Variants in KYNU observed in about 807,000 individuals in gnomAD.
KYNU encodes L-kynurenine hydrolase.
In KYNU, 54 loss-of-function variants were observed where a neutral mutation model predicts 59.2. That is an observed-to-expected ratio of 0.91 (90% confidence interval 0.73 to 1.14). KYNU has a LOEUF of 1.14. KYNU is among the 50% of genes most tolerant of loss of function. The probability of loss-of-function intolerance (pLI) is 0.00; values close to 1 mark genes in which losing one functional copy is unlikely to be tolerated. For missense variants in KYNU, 567 were observed against 554.4 expected (o/e 1.02, Z -0.23); for synonymous variants, 177 against 192.0 (o/e 0.92, Z 0.65).
chr2:143,010,911 T>G (rs1014872805), intron 10 of KYNU, among the ~76,000 whole-genome samples: 1 of 144,662 alleles, frequency 6.9e-6, no homozygotes, highest in Non-Finnish European at 1.5e-5. Flanking sequence ...AAAAATCAAT[T>G]CAAGATGGAT....
intron 10 of KYNU, among the ~76,000 whole-genome samples, chr2:143,005,040 G>T (rs1685828479): frequency 6.6e-6 from 1 of 152,192 alleles, no homozygotes; most frequent in Non-Finnish European, 1.5e-5. Context: ...TAAGCTAAGA[G>T]TGAGGCTTCC....
Position 143,042,136 on chromosome 2 carries a change from C to G in KYNU, c.1362C>G (p.Leu454=), listed in dbSNP as rs145326805. 3.7e-6 allele frequency: 6 copies of G among 1,610,158 alleles called. No individual in the cohort carries two copies. In the African/African-American group the frequency reaches 8.0e-5, roughly 22 times the overall value. Residue 454 remains leucine (L), a synonymous_variant, in exon 14 of 14, where the codon CTC becomes CTG. Transcript: ENST00000264170. The stretch of plus-strand genomic sequence containing the variant: ...ATGTTTATAAATTTACCAATCTGCT[C>G]ACTTCTATACTTGACTCTGCAGAAA... ...FHDVYKFTNL[L]TSILDSAETK...
chr2:142,961,593 A>G (rs1371704560), intron 8 of KYNU, among the ~76,000 whole-genome samples: 3 of 152,198 alleles, frequency 2.0e-5, no homozygotes, highest in Non-Finnish European at 4.4e-5. Context: ...AAGTTACTTT[A>G]AGGAGGCCAT....
intron 10 of KYNU, among the ~76,000 whole-genome samples, chr2:143,006,105 C>T (rs950149162): frequency 6.6e-5 from 10 of 152,218 alleles, no homozygotes; most frequent in East Asian, 3.9e-4. Context: ...GCATGAGCAA[C>T]GCAGAAGACG....
chr2:142,982,191 C>G (rs1015041859), intron 8 of KYNU, among the ~76,000 whole-genome samples: 4 of 152,052 alleles, frequency 2.6e-5, no homozygotes, highest in Admixed American at 2.6e-4. Context: ...GGTATGTGCA[C>G]TTGGTAAACT....
chr2:142,878,354 C>T (rs574747944), intron 1 of KYNU, among the ~76,000 whole-genome samples: 184 of 152,092 alleles, frequency 1.2e-3, no homozygotes, highest in Non-Finnish European at 2.2e-3. Context: ...ATTTTCTTAA[C>T]GTGTTCAGCA....
chr2:142,971,506 CT>C, intron 8 of KYNU: 1 of 152,284 alleles, frequency 6.6e-6, no homozygotes, highest in East Asian at 1.9e-4. Context: ...TCCTGCTATA[CT>C]TCCACACCAT....
chr2:143,012,888 C>T (rs1053465927), intron 10 of KYNU, among the ~76,000 whole-genome samples: 6 of 152,192 alleles, frequency 3.9e-5, no homozygotes, highest in South Asian at 2.1e-4. Context: ...GGTAACCACT[C>T]TTTTGTTCTC....
At chr2:142,988,910 T>C (rs1220594839) in intron 10 of KYNU, 3 of 1,599,388 alleles carry the variant, frequency 1.9e-6, no homozygotes, top group South Asian at 2.2e-5. Context: ...ACAAGGTATT[T>C]TCCAGTCATC....
At chr2:142,967,684 A>G (rs563737660) in intron 8 of KYNU, among the ~76,000 whole-genome samples, 5 of 152,254 alleles carry the variant, frequency 3.3e-5, no homozygotes, top group Admixed American at 6.5e-5. Context: ...AGTCCTAATT[A>G]TTTTTTAAAA....
At chr2:143,017,434 C>CTTTTTTTTTTTTTTTTTTTT (rs1184177776) in intron 10 of KYNU, among the ~76,000 whole-genome samples, 2 of 68,448 alleles carry the variant, frequency 2.9e-5, no homozygotes, top group Non-Finnish European at 5.2e-5. Flanking sequence ...TCTCTTTTTT[C>CTTTTTTTTTTTTTTTTTTTT]TTTTTTTTTT....
intron 11 of KYNU, among the ~76,000 whole-genome samples, chr2:143,033,016 G>T (rs1321700219): frequency 6.6e-6 from 1 of 152,134 alleles, no homozygotes; most frequent in Non-Finnish European, 1.5e-5. Flanking sequence ...AAGATTTCTG[G>T]TGTTCTGCTA....
In KYNU at chr2:143,043,490, C is replaced by T. The variant is rs942988037; in HGVS notation, c.*1318C>T. Reference sequence around the variant, plus strand: ...TTAGATAAACACTTCGGATGGTAGACGTAAACAATAATATGTGGAACTCCA... The same window carrying T: ...TTAGATAAACACTTCGGATGGTAGATGTAAACAATAATATGTGGAACTCCA... On this transcript the variant is annotated 3_prime_UTR_variant, in exon 14 of 14. Transcript: ENST00000264170. 22 of 151,826 alleles carry T rather than the reference C, an allele frequency of 1.4e-4. 1 individual carries two copies. Among genetic ancestry groups the T allele is most frequent in the African/African-American group, 2.2e-4 (9 of 41,474 alleles). 9.4% of individuals were successfully genotyped at this position (151,826 alleles called of 1,614,324 possible). A position where few individuals can be genotyped will look rare whatever the true frequency, so the allele number is the denominator to read the frequency against.
chr2:142,929,447 T>C (rs557059445), intron 4 of KYNU, among the ~76,000 whole-genome samples: 2 of 150,242 alleles, frequency 1.3e-5, no homozygotes, highest in South Asian at 4.2e-4. Context: ...ACCCTGCTAA[T>C]CACCTGACCA....
intron 10 of KYNU, among the ~76,000 whole-genome samples, chr2:142,993,264 T>C (rs1434566766): frequency 6.6e-6 from 1 of 152,084 alleles, no homozygotes; most frequent in Non-Finnish European, 1.5e-5. Flanking sequence ...TCTTTTCCTT[T>C]TTATTCTCCT....
intron 4 of KYNU, among the ~76,000 whole-genome samples, chr2:142,949,105 C>T (rs902867572): frequency 6.6e-6 from 1 of 152,192 alleles, no homozygotes; most frequent in Non-Finnish European, 1.5e-5. Flanking sequence ...CCATGTCTCG[C>T]ATCTGGGTCA....
In KYNU at chr2:142,917,570, G is replaced by A. The variant is rs556644569; in HGVS notation, c.170-1039G>A. 5.3e-5 allele frequency among the ~76,000 whole-genome samples: 8 copies of A among 152,256 alleles called. No individual in the cohort carries two copies. The South Asian group carries it at 8.3e-4, about 16-fold the overall frequency. The stretch of plus-strand genomic sequence containing the variant: ...TCCCAATTTTGCCTCCAAAAGTGCC[G>A]GGATTACAGGCATGGGCCACTGTGC... On this transcript the variant is annotated intron_variant, in intron 2 of 13. Coordinates refer to ENST00000264170, the MANE Select transcript of KYNU (RefSeq NM_003937.3).
At chr2:143,005,928 C>A (rs1362300355) in intron 10 of KYNU, among the ~76,000 whole-genome samples, 2 of 152,164 alleles carry the variant, frequency 1.3e-5, no homozygotes, top group East Asian at 3.9e-4. Context: ...TTCCAACAAT[C>A]CATGGAAGTC....
intron 11 of KYNU, among the ~76,000 whole-genome samples, chr2:143,030,524 G>A (rs550707588): frequency 1.3e-5 from 2 of 151,964 alleles, no homozygotes; most frequent in African/African-American, 4.8e-5. Flanking sequence ...CACCTAGGCC[G>A]GAGTACAGTG....
Sources: allele counts gnomAD v4.1 joint callset (sites outside exome capture counted in the v4.1 genomes callset), GRCh38; gene constraint gnomAD v4.1.1; transcripts MANE v1.5; gene names NCBI Gene and HGNC (gene_info 2026-07-23, HGNC 2026-07-21).